FNBP1L: variants seen among roughly 807,000 people sequenced by gnomAD.
FNBP1L encodes formin-binding protein 1-like.
FNBP1L carries 36 observed loss-of-function variants against 91.2 expected under a neutral mutation model. The ratio of observed to expected loss-of-function variants is 0.39; its 90% CI spans 0.30 to 0.52. The LOEUF is 0.52. Ranked by LOEUF, FNBP1L falls within the 20% of genes least tolerant of loss-of-function variation. The pLI, the probability that FNBP1L is intolerant of heterozygous loss-of-function variation, is 0.66. For missense variants in FNBP1L, 571 were observed against 732.1 expected (o/e 0.78, Z 2.54); for synonymous variants, 242 against 237.0 (o/e 1.02, Z -0.19).
At chr1:93,475,844 T>A (rs933044310) in intron 1 of FNBP1L, among the ~76,000 whole-genome samples, 2 of 152,208 alleles carry the variant, frequency 1.3e-5, no homozygotes, top group African/African-American at 4.8e-5. Context: ...AAAGTAAGGT[T>A]GCCTGTTACT....
chr1:93,547,719 C>A (rs557661798), intron 14 of FNBP1L, among the ~76,000 whole-genome samples: 1 of 151,972 alleles, frequency 6.6e-6, no homozygotes, highest in African/African-American at 2.4e-5. Flanking sequence ...GCTCCTCGGG[C>A]ATGGGAAGGT....
chr1:93,505,618 A>G (rs1670583662), intron 2 of FNBP1L, among the ~76,000 whole-genome samples: 1 of 152,244 alleles, frequency 6.6e-6, no homozygotes, highest in African/African-American at 2.4e-5. Flanking sequence ...GGGAGCTAAG[A>G]GCATAAAGTA....
At chr1:93,549,195 A>G in intron 14 of FNBP1L, 83 bp from the exon 15 acceptor site, 1 of 1,181,434 alleles carries the variant, frequency 8.5e-7, no homozygotes, top group South Asian at 1.9e-5. Flanking sequence ...TTTGGAATTG[A>G]TCCTGAGGTG....
intron 10 of FNBP1L, among the ~76,000 whole-genome samples, chr1:93,538,835 T>A (rs1215164710): frequency 1.3e-5 from 2 of 152,102 alleles, no homozygotes; most frequent in Admixed American, 6.6e-5. Flanking sequence ...CTAAATAACT[T>A]CTTAAAAATT....
chr1:93,505,141 C>T (rs1217723270), intron 2 of FNBP1L, among the ~76,000 whole-genome samples: 2 of 135,038 alleles, frequency 1.5e-5, no homozygotes, highest in African/African-American at 5.8e-5. Flanking sequence ...GACAGAGTCT[C>T]ACTCTTGTCG....
intron 1 of FNBP1L, among the ~76,000 whole-genome samples, chr1:93,469,596 CTTAG>C (rs940869842): frequency 1.1e-4 from 16 of 152,004 alleles, no homozygotes; most frequent in Admixed American, 2.6e-4. Context: ...CCTTTGTTAC[CTTAG>C]TTAACTTTTA....
At chr1:93,499,623 A>G (rs764411882) in intron 2 of FNBP1L, 40 bp downstream of exon 2, 7 of 1,167,238 alleles carry the variant, frequency 6.0e-6, no homozygotes, top group East Asian at 2.5e-5. Flanking sequence ...ATGAAATTAC[A>G]TGTTTAAACA....
chr1:93,550,451 GAA>G (rs1672369901), intron 15 of FNBP1L, among the ~76,000 whole-genome samples: 2 of 152,180 alleles, frequency 1.3e-5, no homozygotes, highest in African/African-American at 4.8e-5. Context: ...GATAGAGAGT[GAA>G]AGAGTTGTGT....
intron 1 of FNBP1L, among the ~76,000 whole-genome samples, chr1:93,491,969 G>A (rs1274587473): frequency 1.3e-5 from 2 of 152,096 alleles, no homozygotes; most frequent in Non-Finnish European, 2.9e-5. Flanking sequence ...ACTGAAAAAT[G>A]AAATTTGATT....
chr1:93,494,528 C>T (rs906947736), intron 1 of FNBP1L, among the ~76,000 whole-genome samples: 1 of 152,168 alleles, frequency 6.6e-6, no homozygotes, highest in Non-Finnish European at 1.5e-5. Context: ...ATGGTTGGTT[C>T]CTCTCCAGCC....
rs1017801699 is a variant in FNBP1L, at chr1:93,553,545, T to TC, written c.*1134dup. 2 of 152,664 alleles carry TC rather than the reference T, an allele frequency of 1.3e-5. No homozygotes were observed. The highest frequency in any genetic ancestry group is 2.9e-5 in the Non-Finnish European group (2 of 68,038). 9.5% of individuals were successfully genotyped at this position (152,664 alleles called of 1,614,324 possible). On this transcript the variant is annotated 3_prime_UTR_variant, in exon 17 of 17. Transcript: ENST00000271234. The stretch of plus-strand genomic sequence containing the variant: ...GGTTTTATGAGAAGTTTTATGGGCC[T>TC]CCCCCAATTGTCTTTTTATTTTGGG...
At chr1:93,514,681 T>G (rs1357644121) in intron 2 of FNBP1L, among the ~76,000 whole-genome samples, 10 of 152,070 alleles carry the variant, frequency 6.6e-5, no homozygotes, top group Non-Finnish European at 8.8e-5. Context: ...GATTCCCTAT[T>G]TAATAAATGG....
intron 8 of FNBP1L, among the ~76,000 whole-genome samples, chr1:93,534,154 C>A (rs1671771219): frequency 6.6e-6 from 1 of 152,086 alleles, no homozygotes; most frequent in Admixed American, 6.6e-5. Flanking sequence ...TTTATGAGAT[C>A]TTTTCCCTGT....
chr1:93,474,863 T>G (rs1669437432), intron 1 of FNBP1L, among the ~76,000 whole-genome samples: 1 of 152,220 alleles, frequency 6.6e-6, no homozygotes, highest in East Asian at 1.9e-4. Context: ...TAGTTCTCAT[T>G]CTCACACCTA....
intron 10 of FNBP1L, among the ~76,000 whole-genome samples, chr1:93,539,435 G>GA (rs1291519769): frequency 6.6e-6 from 1 of 151,748 alleles, no homozygotes; most frequent in East Asian, 1.9e-4. Flanking sequence ...TTTTTACAAA[G>GA]AACTTGAGCT....
At chr1:93,474,174 C>T (rs901291227) in intron 1 of FNBP1L, among the ~76,000 whole-genome samples, 4 of 152,214 alleles carry the variant, frequency 2.6e-5, no homozygotes, top group Non-Finnish European at 4.4e-5. Flanking sequence ...AACCGGAAGG[C>T]GGAGGTTGCA....
chr1:93,459,941 A>ATGTGTGTGTG (rs34705153), intron 1 of FNBP1L, among the ~76,000 whole-genome samples: 6,857 of 142,162 alleles, frequency 0.048, 229 homozygotes, highest in East Asian at 0.081. Flanking sequence ...TGGATTTCAG[A>ATGTGTGTGTG]TGTGTGTGTG....
chr1:93,544,405 T>G (rs2101771576), intron 12 of FNBP1L, among the ~76,000 whole-genome samples, 189 bp downstream of exon 12: 1 of 152,274 alleles, frequency 6.6e-6, no homozygotes, highest in South Asian at 2.1e-4. Context: ...TTTCCTTGGT[T>G]GCAGATTTTT....
chr1:93,536,763 G>A (rs1407093517), intron 10 of FNBP1L, among the ~76,000 whole-genome samples: 1 of 151,892 alleles, frequency 6.6e-6, no homozygotes, highest in African/African-American at 2.4e-5. Context: ...GTTCACCATT[G>A]TCTTGTAATG....
Sources: allele counts gnomAD v4.1 joint callset (sites outside exome capture counted in the v4.1 genomes callset), GRCh38; gene constraint gnomAD v4.1.1; transcripts MANE v1.5; gene names NCBI Gene and HGNC (gene_info 2026-07-23, HGNC 2026-07-21).